The following NIN variants were observed in gnomAD, a reference collection of about 807,000 sequenced individuals.
NIN encodes the protein glycogen synthase kinase 3 beta-interacting protein.
NIN carries 137 observed loss-of-function variants against 257.6 expected under a neutral mutation model. The ratio of observed to expected loss-of-function variants is 0.53; its 90% CI spans 0.46 to 0.61. The LOEUF (loss-of-function observed/expected upper bound fraction) is 0.61. NIN is among the 20% of genes least tolerant of loss of function. NIN has a pLI of 0.00. For synonymous variants in NIN, 918 were observed against 919.8 expected (o/e 1.00, Z 0.04); for missense variants, 2,439 against 2,501.2 (o/e 0.98, Z 0.53).
chr14:50,724,226 T>C (rs566019894), intron 30 of NIN: 16 of 204,822 alleles, frequency 7.8e-5, no homozygotes, highest in African/African-American at 2.5e-4. Context: ...TTAGAATATA[T>C]GGTCTAGGTT....
intron 2 of NIN, among the ~76,000 whole-genome samples, chr14:50,829,525 A>G (rs1201622727): frequency 6.6e-6 from 1 of 152,202 alleles, no homozygotes; most frequent in Non-Finnish European, 1.5e-5. Flanking sequence ...CTCATCCTAC[A>G]AAGCTACCAT....
chr14:50,794,476 G>A (rs557279800), intron 4 of NIN: 3 of 999,648 alleles, frequency 3.0e-6, no homozygotes, highest in Middle Eastern at 5.0e-4. Context: ...GACCATTCAG[G>A]AGCGGCCCAG....
intron 3 of NIN, 56 bp from the exon 4 acceptor site, chr14:50,806,874 C>G (rs2044353645): frequency 1.2e-6 from 1 of 851,086 alleles, no homozygotes; most frequent in Non-Finnish European, 1.9e-6. Flanking sequence ...AGAATGCAAA[C>G]CTATCTACAA....
At chr14:50,823,155 G>GTTT (rs111307230) in intron 2 of NIN, 15 of 267,636 alleles carry the variant, frequency 5.6e-5, no homozygotes, top group East Asian at 1.9e-4. Flanking sequence ...TGAAATCTGT[G>GTTT]GTTTTTTTTT....
At chr14:50,726,231 T>C in intron 29 of NIN, 165 bp from the exon 30 acceptor site, 1 of 583,286 alleles carries the variant, frequency 1.7e-6, no homozygotes, top group Non-Finnish European at 3.0e-6. Context: ...ATGGATTGCA[T>C]ATGTCAGAAA....
At chr14:50,773,161 C>T (rs372827061) in intron 7 of NIN, 66 bp from the exon 8 acceptor site, 19 of 1,291,554 alleles carry the variant, frequency 1.5e-5, no homozygotes, top group South Asian at 2.5e-5. Flanking sequence ...AGTATACTTC[C>T]GGCCAGTAGT....
intron 27 of NIN, among the ~76,000 whole-genome samples, chr14:50,736,199 C>G (rs1168564361): frequency 1.3e-5 from 2 of 152,060 alleles, no homozygotes; most frequent in African/African-American, 4.8e-5. Context: ...GTGGCACAGT[C>G]TCAGCTCACT....
intron 8 of NIN, among the ~76,000 whole-genome samples, 181 bp downstream of exon 8, chr14:50,772,768 A>C (rs1342771723): frequency 6.6e-6 from 1 of 152,190 alleles, no homozygotes; most frequent in Non-Finnish European, 1.5e-5. Context: ...TTTCCACTGT[A>C]ATTTACGGTC....
chr14:50,818,396 A>G (rs1481515816), intron 3 of NIN, among the ~76,000 whole-genome samples: 1 of 151,268 alleles, frequency 6.6e-6, no homozygotes, highest in African/African-American at 2.4e-5. Flanking sequence ...TCATGTCCTG[A>G]TTTCTAATAA....
chr14:50,729,189 G>A (rs937954764), intron 29 of NIN, among the ~76,000 whole-genome samples: 4 of 151,990 alleles, frequency 2.6e-5, no homozygotes, highest in African/African-American at 7.2e-5. Context: ...AAGTAGCACC[G>A]CAGTTCTATG....
At chr14:50,782,593 T>A (rs900597174) in intron 5 of NIN, among the ~76,000 whole-genome samples, 1 of 152,208 alleles carries the variant, frequency 6.6e-6, no homozygotes, top group Admixed American at 6.5e-5. Context: ...TAAAAACAGA[T>A]GCATATTGGT....
At position 50,772,487 on chromosome 14, in the gene NIN, T is replaced by C. The variant is rs1241427198; in HGVS notation, c.814-19A>G. ...CGAAAGACTGGAAGGAGGAAGAGAC[T>C]TGAGTAAGCCTAGCTTGATTCCAGG... On this transcript the variant is annotated intron_variant, in intron 8 of 30. Transcript: ENST00000530997. 1.9e-6 allele frequency: 3 copies of C among 1,612,970 alleles called. No individual in the cohort carries two copies. The highest frequency in any genetic ancestry group is 2.2e-5 in the East Asian group (1 of 44,860).
intron 20 of NIN, 88 bp from the exon 21 acceptor site, chr14:50,752,821 T>C: frequency 1.4e-6 from 1 of 692,918 alleles, no homozygotes; most frequent in Non-Finnish European, 2.4e-6. Flanking sequence ...ATAATTGTCT[T>C]TTCCCTCTTT....
intron 5 of NIN, among the ~76,000 whole-genome samples, chr14:50,789,326 G>A (rs2043480393): frequency 6.6e-6 from 1 of 151,738 alleles, no homozygotes; most frequent in African/African-American, 2.4e-5. Context: ...TGTAATCCCA[G>A]CACTTTGGGA....
chr14:50,746,530 A>G (rs2041549582), intron 22 of NIN, among the ~76,000 whole-genome samples: 1 of 152,212 alleles, frequency 6.6e-6, no homozygotes, highest in Admixed American at 6.5e-5. Context: ...ATCAACATAA[A>G]CATAATACCA....
chr14:50,761,268 C>G (rs2042264459), intron 16 of NIN, among the ~76,000 whole-genome samples: 1 of 152,190 alleles, frequency 6.6e-6, no homozygotes, highest in South Asian at 2.1e-4. Flanking sequence ...GGTAAGTAGA[C>G]TTTCGAGAGG....
intron 14 of NIN, among the ~76,000 whole-genome samples, chr14:50,764,231 A>G (rs1566821867): frequency 6.6e-6 from 1 of 152,250 alleles, no homozygotes. Context: ...GATGATATAC[A>G]GATGACTAAT....
At chr14:50,738,413 G>T in intron 26 of NIN, 127 bp from the exon 27 acceptor site, 1 of 788,246 alleles carries the variant, frequency 1.3e-6, no homozygotes, top group Non-Finnish European at 2.0e-6. Context: ...AATCAAGCCT[G>T]TAAATACTTG....
At chr14:50,776,760 C>G (rs2042939529) in intron 7 of NIN, among the ~76,000 whole-genome samples, 189 bp downstream of exon 7, 1 of 152,146 alleles carries the variant, frequency 6.6e-6, no homozygotes, top group Non-Finnish European at 1.5e-5. Context: ...AGTGTCAGCT[C>G]TTGTCAGTTT....
Sources: allele counts gnomAD v4.1 joint callset (sites outside exome capture counted in the v4.1 genomes callset), GRCh38; gene constraint gnomAD v4.1.1; transcripts MANE v1.5; gene names NCBI Gene and HGNC (gene_info 2026-07-23, HGNC 2026-07-21).